PLCG2: variants seen among roughly 807,000 people sequenced by gnomAD.
PLCG2 encodes 1-phosphatidylinositol 4,5-bisphosphate phosphodiesterase gamma-2.
In PLCG2, 69 loss-of-function variants were observed where a neutral mutation model predicts 175.6. The observed-to-expected ratio is 0.39, with a 90% CI of 0.32 to 0.48. PLCG2 has a LOEUF of 0.48. Ranked by LOEUF, PLCG2 falls within the 20% of genes least tolerant of loss-of-function variation. PLCG2 has a pLI of 0.91. For missense variants in PLCG2, 1,798 were observed against 1,650.9 expected, an observed-to-expected ratio of 1.09 and a Z score of -1.54; for synonymous variants, 827 against 624.0, an observed-to-expected ratio of 1.33 and a Z score of -4.85.
At position 81,854,597 on chromosome 16, in the gene PLCG2, T is replaced by G. The variant is rs1328572930; in HGVS notation, c.337+10T>G. 1 of 1,612,234 alleles carries G rather than the reference T, an allele frequency of 6.2e-7. No homozygotes were observed. The highest frequency in any genetic ancestry group is 8.5e-7 in the Non-Finnish European group (1 of 1,178,438). ...ACGCTCAGCTTGGCAGGTAGGTGCA[T>G]GTTTCTGTGCCTTTCTCCTTCCCTG... On this transcript the variant is annotated intron_variant, in intron 3 of 32. Transcript: ENST00000564138.
intron 1 of PLCG2, among the ~76,000 whole-genome samples, chr16:81,753,830 C>T (rs748100606): frequency 2.0e-5 from 3 of 152,188 alleles, no homozygotes; most frequent in Non-Finnish European, 4.4e-5. Flanking sequence ...GCCGTTTTAT[C>T]TCCAGGAGAA....
chr16:81,884,034 C>A (rs187257287), intron 9 of PLCG2, among the ~76,000 whole-genome samples: 1 of 152,176 alleles, frequency 6.6e-6, no homozygotes, highest in South Asian at 2.1e-4. Flanking sequence ...TTGCACAGGG[C>A]AGCCCCCCCT....
chr16:81,959,188 G>C lies in PLCG2; in HGVS notation c.*1190G>C, dbSNP rs562187245. 5.0e-4 allele frequency: 112 copies of C among 226,250 alleles called. 1 individual carries two copies. Among genetic ancestry groups the C allele is most frequent in the African/African-American group, 2.2e-3 (98 of 45,074 alleles). The allele number at this position is 226,250 out of a possible 1,614,324, so 14.0% of individuals were successfully genotyped here. On this transcript the variant is annotated 3_prime_UTR_variant, in exon 33 of 33. Coordinates refer to ENST00000564138, the MANE Select transcript of PLCG2 (RefSeq NM_002661.5). ...ATTTACAGCTGATGGGAAAAGGAGT[G>C]TAACTGTGAAAAACGATGGCTGTGG...
intron 2 of PLCG2, among the ~76,000 whole-genome samples, chr16:81,814,718 G>A (rs1904462721): frequency 6.6e-6 from 1 of 151,952 alleles, no homozygotes; most frequent in African/African-American, 2.4e-5. Context: ...AAGACACCCT[G>A]GGGGACATGA....
At chr16:81,779,671 C>T (rs1026888606) in intron 1 of PLCG2, among the ~76,000 whole-genome samples, 8 of 152,134 alleles carry the variant, frequency 5.3e-5, no homozygotes, top group African/African-American at 1.7e-4. Context: ...CCGGTCCGTG[C>T]GGTGGGGCGG....
At chr16:81,833,314 CCTT>C in intron 2 of PLCG2, among the ~76,000 whole-genome samples, 1 of 152,200 alleles carries the variant, frequency 6.6e-6, no homozygotes, top group Admixed American at 6.5e-5. Flanking sequence ...AGGACTGGGG[CCTT>C]CTTTCGCAAT....
chr16:81,829,917 G>C (rs1337072382), intron 2 of PLCG2, among the ~76,000 whole-genome samples: 1 of 151,980 alleles, frequency 6.6e-6, no homozygotes, highest in African/African-American at 2.4e-5. Context: ...CGCTCTCTAG[G>C]GGGCTTATTC....
At chr16:81,757,170 T>C (rs1453124042) in intron 2 of PLCG2, among the ~76,000 whole-genome samples, 3 of 152,098 alleles carry the variant, frequency 2.0e-5, no homozygotes, top group East Asian at 1.9e-4. Flanking sequence ...CATTGGAAAT[T>C]CCATCCACCC....
At chr16:81,936,059 G>A in intron 26 of PLCG2, 110 bp from the exon 27 acceptor site, 1 of 1,491,066 alleles carries the variant, frequency 6.7e-7, no homozygotes, top group South Asian at 1.3e-5. Flanking sequence ...GTCAAAGAGG[G>A]AGATTCCTGG....
In PLCG2 at chr16:81,960,957, G is replaced by A. The variant is rs1254789042; in HGVS notation, c.*2959G>A. The A allele has an allele frequency of 4.4e-6, 1 of 229,198 alleles. No individual in the cohort carries two copies. Among genetic ancestry groups the A allele is most frequent in the African/African-American group, 2.2e-5 (1 of 45,102 alleles). 14.2% of individuals were successfully genotyped at this position (229,198 alleles called of 1,614,324 possible). A position where few individuals can be genotyped will look rare whatever the true frequency, so the allele number is the denominator to read the frequency against. ...TTTCTCACCTTACAAAAGAAAATAT[G>A]GCTGTCTCCACCTCTAGTCTTACTG... On this transcript the variant is annotated 3_prime_UTR_variant, in exon 33 of 33. Transcript: ENST00000564138.
At chr16:81,769,841 A>G (rs1216865835) in intron 2 of PLCG2, among the ~76,000 whole-genome samples, 71 of 144,534 alleles carry the variant, frequency 4.9e-4, no homozygotes, top group Non-Finnish European at 9.0e-4. Context: ...AAAAAAAAAA[A>G]AAAAAGAAAA....
intron 12 of PLCG2, 39 bp from the exon 13 acceptor site, chr16:81,895,768 A>G: frequency 6.2e-7 from 1 of 1,612,028 alleles, no homozygotes. Flanking sequence ...CTGTCAGTGA[A>G]CACACGTGGT....
chr16:81,935,208 C>T (rs1910657270), intron 26 of PLCG2, among the ~76,000 whole-genome samples: 1 of 152,102 alleles, frequency 6.6e-6, no homozygotes, highest in African/African-American at 2.4e-5. Context: ...AAAGCCATTC[C>T]CTTCTTCCAG....
intron 2 of PLCG2, among the ~76,000 whole-genome samples, chr16:81,756,804 G>T (rs944863441): frequency 6.6e-6 from 1 of 152,174 alleles, no homozygotes; most frequent in African/African-American, 2.4e-5. Flanking sequence ...TGCACAGCCT[G>T]GCTCTTCAGT....
intron 30 of PLCG2, among the ~76,000 whole-genome samples, chr16:81,943,546 A>G (rs1478087713): frequency 6.6e-6 from 1 of 152,202 alleles, no homozygotes; most frequent in Non-Finnish European, 1.5e-5. Context: ...GGGTGGGGAC[A>G]CAGAGCCAAA....
intron 3 of PLCG2, among the ~76,000 whole-genome samples, chr16:81,857,080 T>G (rs1284804388): frequency 7.3e-6 from 1 of 136,554 alleles, no homozygotes; most frequent in Non-Finnish European, 1.7e-5. Flanking sequence ...TAAATCTATA[T>G]TACTTTAAGT....
chr16:81,839,340 A>T (rs2143417366), intron 2 of PLCG2, among the ~76,000 whole-genome samples: 1 of 152,210 alleles, frequency 6.6e-6, no homozygotes, highest in African/African-American at 2.4e-5. Flanking sequence ...AAAACTGGTC[A>T]ATCCATGTGT....
At chr16:81,824,034 C>CTTTCCTTTCCTTTCT (rs1904930962) in intron 2 of PLCG2, among the ~76,000 whole-genome samples, 2 of 55,896 alleles carry the variant, frequency 3.6e-5, no homozygotes. Flanking sequence ...CTTTCCTTTC[C>CTTTCCTTTCCTTTCT]TTTCCTTTCC....
intron 1 of PLCG2, among the ~76,000 whole-genome samples, chr16:81,743,271 A>G (rs373123819): frequency 6.6e-6 from 1 of 152,328 alleles, no homozygotes; most frequent in East Asian, 1.9e-4. Context: ...GGTTCACACG[A>G]GCATGGGAGG....
Sources: gnomAD v4.1 joint callset for allele counts (sites outside exome capture counted in the v4.1 genomes callset) on GRCh38, gnomAD v4.1.1 for gene constraint, MANE v1.5 for transcripts, NCBI Gene and HGNC (gene_info 2026-07-23, HGNC 2026-07-21) for gene names.